Variants in KCNK1 observed in about 807,000 individuals in gnomAD.
KCNK1 encodes potassium channel subfamily K member 1.
A neutral mutation model predicts 22.2 loss-of-function variants in KCNK1; 10 were observed. The observed-to-expected ratio is 0.45, with a 90% CI of 0.28 to 0.76. The LOEUF (loss-of-function observed/expected upper bound fraction) is 0.76, where lower values mean the gene tolerates loss of function less well. Ranked by LOEUF, KCNK1 falls within the 30% of genes least tolerant of loss-of-function variation. The pLI is 0.14. For synonymous variants in KCNK1, 200 were observed against 186.4 expected, an observed-to-expected ratio of 1.07 and a Z score of -0.60; for missense variants, 378 against 421.0, an observed-to-expected ratio of 0.90 and a Z score of 0.89.
At position 233,671,466 on chromosome 1, in the gene KCNK1, A is replaced by G. The variant is rs1439420989; in HGVS notation, c.947A>G (p.Lys316Arg). The G allele has an allele frequency of 1.2e-6, 2 of 1,614,106 alleles. No homozygotes were observed. Among genetic ancestry groups the G allele is most frequent in the Non-Finnish European group, 1.7e-6 (2 of 1,180,048 alleles). ...GCAGCTGGCATGAAAGAGGACCAGA[A>G]GCAAAATGAGCCTTTTGTGGCCACC... ...DQAAGMKEDQKQNEPFVATQS... is the reference protein window; with the variant it reads ...DQAAGMKEDQRQNEPFVATQS... The change falls in exon 3 of 3, where the codon AAG becomes AGG. Residue 316 changes from lysine (K) to arginine (R), a missense_variant. By Grantham distance (26) the Lys-to-Arg change is conservative. Transcript: ENST00000366621.
intron 1 of KCNK1, among the ~76,000 whole-genome samples, chr1:233,641,857 A>G (rs4649344): frequency 0.33 from 50,860 of 152,138 alleles, 9,398 homozygotes; most frequent in East Asian, 0.41. Context: ...GGCAAGTGAC[A>G]GGACAAAGGA....
chr1:233,655,573 C>T (rs967135583), intron 1 of KCNK1: 2 of 152,186 alleles, frequency 1.3e-5, no homozygotes, highest in Non-Finnish European at 2.9e-5. Context: ...ATCCTAACCC[C>T]CACCCTCTCA....
chr1:233,620,212 G>A (rs1657558147), intron 1 of KCNK1, among the ~76,000 whole-genome samples: 1 of 152,208 alleles, frequency 6.6e-6, no homozygotes, highest in Non-Finnish European at 1.5e-5. Context: ...AGGTGGCAGA[G>A]TTGAATAGTT....
At chr1:233,627,665 C>G (rs1452665805) in intron 1 of KCNK1, among the ~76,000 whole-genome samples, 2 of 152,178 alleles carry the variant, frequency 1.3e-5, no homozygotes, top group Non-Finnish European at 2.9e-5. Context: ...CCCCAGACAG[C>G]AGGGAAGAGC....
At chr1:233,654,605 C>A (rs1658257078) in intron 1 of KCNK1, among the ~76,000 whole-genome samples, 1 of 152,120 alleles carries the variant, frequency 6.6e-6, no homozygotes, top group South Asian at 2.1e-4. Context: ...AAAATTCTCA[C>A]CCTAGCCATA....
chr1:233,627,460 A>G lies in KCNK1; in HGVS notation c.355+12934A>G, dbSNP rs367728435. Among the ~76,000 whole-genome samples, 6 of 152,348 alleles carry G rather than the reference A, an allele frequency of 3.9e-5. 1 individual carries two copies. Among genetic ancestry groups the G allele is most frequent in the African/African-American group, 1.4e-4 (6 of 41,586 alleles). On this transcript the variant is annotated intron_variant, in intron 1 of 2. Transcript: ENST00000366621. ...TGGAGAGGCTGTTCCGCAGCTGCCT[A>G]GGTGTCAGACTGACTCAGAAATTCT...
chr1:233,623,733 C>T (rs924094551), intron 1 of KCNK1, among the ~76,000 whole-genome samples: 1 of 152,070 alleles, frequency 6.6e-6, no homozygotes, highest in African/African-American at 2.4e-5. Flanking sequence ...GGACCACAGG[C>T]GCATGCCACC....
intron 1 of KCNK1, among the ~76,000 whole-genome samples, chr1:233,628,916 G>T (rs73105508): frequency 1.3e-5 from 2 of 152,068 alleles, no homozygotes; most frequent in African/African-American, 4.8e-5. Flanking sequence ...GTGTGAAAGC[G>T]TTGAACTGGG....
chr1:233,662,274 C>CCTCCTCCTCCTCTTCCTCTTCTTCTTCTT (rs1658410741), intron 1 of KCNK1, among the ~76,000 whole-genome samples: 1 of 94,352 alleles, frequency 1.1e-5, no homozygotes, highest in African/African-American at 3.6e-5. Context: ...TTCTTCTTCT[C>CCTCCTCCTCCTCTTCCTCTTCTTCTTCTT]CTCCTCCTCC....
At chr1:233,653,910 C>T (rs891911209) in intron 1 of KCNK1, among the ~76,000 whole-genome samples, 3 of 151,894 alleles carry the variant, frequency 2.0e-5, no homozygotes, top group South Asian at 2.1e-4. Flanking sequence ...GTGCTTCTAA[C>T]GAATGTGGAA....
At chr1:233,667,492 A>C (rs1329362004) in intron 2 of KCNK1, among the ~76,000 whole-genome samples, 2 of 152,142 alleles carry the variant, frequency 1.3e-5, no homozygotes, top group Non-Finnish European at 2.9e-5. Context: ...GCACTTTGGG[A>C]GGCCGAGGCG....
intron 1 of KCNK1, among the ~76,000 whole-genome samples, chr1:233,648,734 T>A (rs958611742): frequency 1.3e-5 from 2 of 151,888 alleles, no homozygotes; most frequent in South Asian, 4.2e-4. Flanking sequence ...ACCCGGCTGA[T>A]TTTTGTATTT....
At chr1:233,650,266 T>C (rs962885873) in intron 1 of KCNK1, among the ~76,000 whole-genome samples, 1 of 152,206 alleles carries the variant, frequency 6.6e-6, no homozygotes, top group African/African-American at 2.4e-5. Context: ...TGGGGAGTCA[T>C]TGTAGTCATT....
chr1:233,650,812 AAC>A (rs1167633755), intron 1 of KCNK1, among the ~76,000 whole-genome samples: 2 of 151,840 alleles, frequency 1.3e-5, no homozygotes, highest in African/African-American at 4.8e-5. Context: ...AAAAAAAAAA[AAC>A]TGTTGACTTC....
chr1:233,671,551 T>C lies in KCNK1; in HGVS notation c.*21T>C. On this transcript the variant is annotated 3_prime_UTR_variant, in exon 3 of 3. Transcript: ENST00000366621. ...ATTGAGCGTAGGATTTGTTGCATTATGCTAGAGCACCAGGGTCAGGGTGCA... is the reference window on the plus strand; with the variant it reads ...ATTGAGCGTAGGATTTGTTGCATTACGCTAGAGCACCAGGGTCAGGGTGCA... 1.2e-6 allele frequency: 2 copies of C among 1,613,054 alleles called. No individual in the cohort carries two copies. The highest frequency in any genetic ancestry group is 1.3e-5 in the African/African-American group (1 of 75,042).
At chr1:233,662,683 G>A (rs1571904385) in intron 1 of KCNK1, among the ~76,000 whole-genome samples, 1 of 152,158 alleles carries the variant, frequency 6.6e-6, no homozygotes, top group Non-Finnish European at 1.5e-5. Context: ...CCCATTATAC[G>A]TATACTCATA....
chr1:233,628,055 G>C (rs1657720877), intron 1 of KCNK1, among the ~76,000 whole-genome samples: 1 of 152,186 alleles, frequency 6.6e-6, no homozygotes, highest in Non-Finnish European at 1.5e-5. Context: ...GTGTCTCATT[G>C]ACCCAGTGGC....
At chr1:233,634,071 G>A (rs1158316683) in intron 1 of KCNK1, among the ~76,000 whole-genome samples, 1 of 152,070 alleles carries the variant, frequency 6.6e-6, no homozygotes. Context: ...ACTTTGGGAG[G>A]CCGAGGCGGG....
intron 1 of KCNK1, among the ~76,000 whole-genome samples, chr1:233,659,189 A>G (rs998823333): frequency 6.6e-6 from 1 of 151,176 alleles, no homozygotes; most frequent in African/African-American, 2.4e-5. Context: ...TAAATTTTTC[A>G]GTTTTTTTTT....
Sources: gnomAD v4.1 joint callset for allele counts (sites outside exome capture counted in the v4.1 genomes callset) on GRCh38, gnomAD v4.1.1 for gene constraint, MANE v1.5 for transcripts, NCBI Gene and HGNC (gene_info 2026-07-23, HGNC 2026-07-21) for gene names.